The following AGAP3 variants were observed in gnomAD, a reference collection of about 807,000 sequenced individuals.
AGAP3 encodes ArfGAP with GTPase domain, ankyrin repeat and PH domain 3.
In AGAP3, 24 loss-of-function variants were observed where a neutral mutation model predicts 96.9. The observed-to-expected ratio is 0.25, with a 90% CI of 0.18 to 0.35. AGAP3 has a LOEUF of 0.35. AGAP3 is among the 10% of genes least tolerant of loss of function. The pLI is 1.00. For missense variants in AGAP3, 876 were observed against 1,254.2 expected (o/e 0.70, Z 4.55); for synonymous variants, 563 against 536.1 (o/e 1.05, Z -0.69).
chr7:151,119,880 C>T, intron 7 of AGAP3, 107 bp from the exon 8 acceptor site: 1 of 1,093,056 alleles, frequency 9.1e-7, no homozygotes, highest in Non-Finnish European at 1.3e-6. Context: ...CTCTGCTGCC[C>T]ATGAGCCCCG....
At chr7:151,128,529 C>G (rs766806285) in intron 9 of AGAP3, 51 bp from the exon 10 acceptor site, 5 of 1,537,664 alleles carry the variant, frequency 3.3e-6, no homozygotes. Flanking sequence ...TCCTCATGCC[C>G]TATGACCTAG....
At chr7:151,085,971 G>A (rs979586052), upstream of AGAP3, 2 of 152,328 alleles carry the variant, frequency 1.3e-5, no homozygotes, top group African/African-American at 2.4e-5. Context: ...TCGGAGCCTG[G>A]GGACAGGGGA....
chr7:151,105,831 C>CACACACACACACACACACACACAG, intron 1 of AGAP3, among the ~76,000 whole-genome samples: 1 of 137,548 alleles, frequency 7.3e-6, no homozygotes, highest in African/African-American at 2.8e-5. Context: ...CACACACACA[C>CACACACACACACACACACACACAG]AGTCAAGCAT....
rs1038805772 is a variant in AGAP3, at chr7:151,115,401, C to G, written c.332-1392C>G. ...CTCCGAGTCAGGGCTGCTGGCCCGG[C>G]CGCCGCGCGCGCGCACCCGTAGCGA... On this transcript the variant is annotated intron_variant, in intron 1 of 17. Coordinates refer to ENST00000397238, the MANE Select transcript of AGAP3 (RefSeq NM_031946.7). The G allele has an allele frequency of 2.6e-5, 26 of 1,019,150 alleles. No individual in the cohort carries two copies. In the African/African-American group the frequency reaches 4.5e-4, roughly 18 times the overall value. 63.1% of individuals were successfully genotyped at this position (1,019,150 alleles called of 1,614,324 possible).
chr7:151,096,674 G>A lies in AGAP3; in HGVS notation c.331+9602G>A, dbSNP rs190853720. Among the ~76,000 whole-genome samples, 3 of 151,988 alleles carry A rather than the reference G, an allele frequency of 2.0e-5. No individual in the cohort carries two copies. The highest frequency in any genetic ancestry group is 1.3e-4 in the Admixed American group (2 of 15,264). ...TTTTTAGTAGAGACGAGGTTTCACCGCGTTAGCCAAGGTAGTCTCGATCTC... is the reference window on the plus strand; with the variant it reads ...TTTTTAGTAGAGACGAGGTTTCACCACGTTAGCCAAGGTAGTCTCGATCTC... On this transcript the variant is annotated intron_variant, in intron 1 of 17. Coordinates refer to ENST00000397238, the MANE Select transcript of AGAP3 (RefSeq NM_031946.7). This position sits in a 1 kb window ranked among gnomAD's most constrained non-coding sequence, Gnocchi z 4.4.
intron 8 of AGAP3, chr7:151,120,880 C>T: frequency 5.3e-6 from 6 of 1,131,032 alleles, no homozygotes; most frequent in Non-Finnish European, 6.6e-6. Context: ...CTCTCCACTC[C>T]CAATGTGCGA....
chr7:151,122,030 C>T (rs2150488400), intron 8 of AGAP3, among the ~76,000 whole-genome samples: 1 of 152,382 alleles, frequency 6.6e-6, no homozygotes, highest in South Asian at 2.1e-4. Flanking sequence ...TGCCCCAGTT[C>T]CTGTCCGCAT....
At chr7:151,087,933 G>A (rs1450714319) in intron 1 of AGAP3, among the ~76,000 whole-genome samples, 1 of 152,284 alleles carries the variant, frequency 6.6e-6, no homozygotes, top group African/African-American at 2.4e-5. Context: ...CCGGTGGCAT[G>A]GTGACCTTCG....
chr7:151,088,936 G>A (rs536337428), intron 1 of AGAP3, among the ~76,000 whole-genome samples: 2 of 152,200 alleles, frequency 1.3e-5, no homozygotes, highest in Non-Finnish European at 2.9e-5. Context: ...CTGGAAGCTC[G>A]GCCTCACCCT....
intron 10 of AGAP3, among the ~76,000 whole-genome samples, chr7:151,129,413 G>C (rs184386944): frequency 4.7e-4 from 72 of 152,234 alleles, no homozygotes; most frequent in African/African-American, 1.7e-3. Context: ...CCTGACCCAA[G>C]AGGTGCAGGG....
intron 8 of AGAP3, chr7:151,123,312 C>A: frequency 9.7e-7 from 1 of 1,031,016 alleles, no homozygotes; most frequent in Non-Finnish European, 1.2e-6. Flanking sequence ...CCTCTTCTGG[C>A]CTCTCTCCTC....
In AGAP3 at chr7:151,118,906, T is replaced by C. The variant is rs551283286; in HGVS notation, c.969+274T>C. On this transcript the variant is annotated intron_variant, in intron 7 of 17. Coordinates refer to ENST00000397238, the MANE Select transcript of AGAP3 (RefSeq NM_031946.7). This position sits in a 1 kb window ranked among gnomAD's most constrained non-coding sequence, Gnocchi z 6.1. Reference sequence around the variant, plus strand: ...CCACAGCCTGCATTCCCTACCCCGATGCCCTCTGCTGAAAGTCCTGGGCCA... The same window carrying C: ...CCACAGCCTGCATTCCCTACCCCGACGCCCTCTGCTGAAAGTCCTGGGCCA... 1.3e-5 allele frequency among the ~76,000 whole-genome samples: 2 copies of C among 152,332 alleles called. No individual in the cohort carries two copies.
Position 151,140,964 on chromosome 7 carries a change from G to A in AGAP3, c.1804+848G>A, listed in dbSNP as rs1479375065. Reference sequence around the variant, plus strand: ...TCTGCTAACAGTCCCTGAGAGCAAGGGCCCAGCAGAGGAGGAATTCCAGGG... The same window carrying A: ...TCTGCTAACAGTCCCTGAGAGCAAGAGCCCAGCAGAGGAGGAATTCCAGGG... On this transcript the variant is annotated intron_variant, in intron 13 of 17. Coordinates refer to ENST00000397238, the MANE Select transcript of AGAP3 (RefSeq NM_031946.7). This position sits in a 1 kb window ranked among gnomAD's most constrained non-coding sequence, Gnocchi z 5.4. The A allele has an allele frequency of 6.6e-6, 1 of 152,242 alleles. No individual in the cohort carries two copies. Among genetic ancestry groups the A allele is most frequent in the East Asian group, 1.9e-4 (1 of 5,188 alleles). The allele number at this position is 152,242 out of a possible 1,614,324, so 9.4% of individuals were successfully genotyped here.
At chr7:151,094,425 G>A (rs1798517300) in intron 1 of AGAP3, among the ~76,000 whole-genome samples, 1 of 151,506 alleles carries the variant, frequency 6.6e-6, no homozygotes, top group Admixed American at 6.6e-5. Flanking sequence ...CATAGAGACA[G>A]CCTGGAGTTC....
At chr7:151,088,024 A>C (rs1178089371) in intron 1 of AGAP3, among the ~76,000 whole-genome samples, 2 of 152,226 alleles carry the variant, frequency 1.3e-5, no homozygotes, top group African/African-American at 4.8e-5. Context: ...GCCCACCGGC[A>C]GGTGGTGGGT....
chr7:151,117,053 G>A (rs369891624), intron 2 of AGAP3, 42 bp from the exon 3 acceptor site: 2 of 1,584,324 alleles, frequency 1.3e-6, no homozygotes, highest in African/African-American at 2.7e-5. Flanking sequence ...TCTCCCTCGT[G>A]CCCTCTGCCC....
At chr7:151,115,080 T>C (rs1799487553) in intron 1 of AGAP3, 1 of 1,025,512 alleles carries the variant, frequency 9.8e-7, no homozygotes, top group Non-Finnish European at 1.2e-6. Context: ...CAGCCCCGCG[T>C]CCAGCCCCGC....
chr7:151,117,548 G>C, intron 4 of AGAP3, 88 bp from the exon 5 acceptor site: 3 of 1,612,446 alleles, frequency 1.9e-6, no homozygotes, highest in Non-Finnish European at 2.5e-6. Flanking sequence ...GGTATGTCCA[G>C]GGAGAAGGGT....
chr7:151,091,271 C>T (rs1341728463), intron 1 of AGAP3, among the ~76,000 whole-genome samples: 1 of 152,220 alleles, frequency 6.6e-6, no homozygotes, highest in Non-Finnish European at 1.5e-5. Context: ...GGAGCCAGCC[C>T]AGGCCCCTCT....
Sources: allele counts gnomAD v4.1 joint callset (sites outside exome capture counted in the v4.1 genomes callset), GRCh38; gene constraint gnomAD v4.1.1; non-coding constraint Gnocchi (gnomAD v3.1); transcripts MANE v1.5; gene names NCBI Gene and HGNC (gene_info 2026-07-23, HGNC 2026-07-21).